ABTB2: variants seen among roughly 807,000 people sequenced by gnomAD.
ABTB2 encodes the protein ankyrin repeat and BTB/POZ domain-containing protein 2.
ABTB2 carries 56 observed loss-of-function variants against 104.1 expected under a neutral mutation model. That is an observed-to-expected ratio of 0.54 (90% confidence interval 0.43 to 0.67). The LOEUF (loss-of-function observed/expected upper bound fraction) is 0.67. ABTB2 is among the 30% of genes least tolerant of loss of function. The pLI is 0.00. For synonymous variants in ABTB2, 606 were observed against 608.2 expected, an observed-to-expected ratio of 1.00 and a Z score of 0.05; for missense variants, 1,279 against 1,407.7, an observed-to-expected ratio of 0.91 and a Z score of 1.46.
chr11:34,327,245 C>T (rs1315217010), intron 1 of ABTB2, among the ~76,000 whole-genome samples: 1 of 152,160 alleles, frequency 6.6e-6, no homozygotes, highest in Non-Finnish European at 1.5e-5. Flanking sequence ...CAAAAGAAAG[C>T]TGGAGTGGCT....
rs1269195224 is a variant in ABTB2, at chr11:34,170,921, G to A, written c.1548C>T (p.Asn516=). 1 of 1,614,132 alleles carries A rather than the reference G, an allele frequency of 6.2e-7. No homozygotes were observed. Among genetic ancestry groups the A allele is most frequent in the Admixed American group, 1.7e-5 (1 of 60,012 alleles). ...CAGGACGTACCTGGTCATCCATGGT[G>A]TTAACCCCATCCGGACCCAAGGCCT... The part of the protein sequence containing the change: ...AIEALGPDGV[N]TMDDQGMTPL... Residue 516 remains asparagine, a synonymous_variant, in exon 5 of 17, where the codon AAC becomes AAT. Coordinates refer to ENST00000435224, the MANE Select transcript of ABTB2 (RefSeq NM_145804.3).
chr11:34,319,422 A>G (rs1854975757), intron 1 of ABTB2, among the ~76,000 whole-genome samples: 1 of 152,232 alleles, frequency 6.6e-6, no homozygotes, highest in Non-Finnish European at 1.5e-5. Context: ...GCAGGGGAGG[A>G]GAAACCTAGG....
intron 1 of ABTB2, among the ~76,000 whole-genome samples, chr11:34,340,456 T>A (rs1327788271): frequency 6.6e-6 from 1 of 152,180 alleles, no homozygotes; most frequent in Non-Finnish European, 1.5e-5. Context: ...ATTGCAAAGT[T>A]AAATAATTAG....
chr11:34,357,173 G>T lies in ABTB2; in HGVS notation c.411C>A (p.Ile137=), dbSNP rs1359850606. Residue 137 remains isoleucine (I), a synonymous_variant, in exon 1 of 17, where the codon ATC becomes ATA. Coordinates refer to ENST00000435224, the MANE Select transcript of ABTB2 (RefSeq NM_145804.3). ...RLAGLLRRAL[I]RVAREAQRLS... ...GGCGCTGCGCCTCGCGGGCCACGCG[G>T]ATCAGTGCCCTGCGGAGCAGCCCGG... The T allele has an allele frequency of 6.6e-7, 1 of 1,507,448 alleles. No homozygotes were observed. Among genetic ancestry groups the T allele is most frequent in the East Asian group, 2.5e-5 (1 of 39,732 alleles). The allele number at this position is 1,507,448 out of a possible 1,614,324, so 93.4% of individuals were successfully genotyped here. A position where few individuals can be genotyped will look rare whatever the true frequency, so the allele number is the denominator to read the frequency against.
chr11:34,352,095 C>G (rs1275670091), intron 1 of ABTB2, among the ~76,000 whole-genome samples: 1 of 152,196 alleles, frequency 6.6e-6, no homozygotes, highest in Admixed American at 6.5e-5. Flanking sequence ...TCAACCCTTG[C>G]TGCTTCAGTT....
chr11:34,201,471 C>T (rs1015379039), intron 2 of ABTB2, among the ~76,000 whole-genome samples: 9 of 152,038 alleles, frequency 5.9e-5, no homozygotes, highest in African/African-American at 1.7e-4. Flanking sequence ...AAAATTTTTG[C>T]GGGTAGAGAG....
At chr11:34,284,165 C>T (rs576212890) in intron 1 of ABTB2, among the ~76,000 whole-genome samples, 2 of 152,356 alleles carry the variant, frequency 1.3e-5, no homozygotes, top group South Asian at 4.1e-4. Flanking sequence ...AGGCCCAATC[C>T]ATGTCTCAGA....
At chr11:34,335,592 T>A in intron 1 of ABTB2, 1 of 1,502,576 alleles carries the variant, frequency 6.7e-7, no homozygotes, top group Non-Finnish European at 9.2e-7. Flanking sequence ...AAAGTTAAGT[T>A]TCTGCACTGT....
Position 34,197,499 on chromosome 11 carries a change from C to T in ABTB2, c.1070G>A (p.Arg357His), listed in dbSNP as rs140971908. 1.6e-4 allele frequency: 247 copies of T among 1,579,158 alleles called. No individual in the cohort carries two copies. In the African/African-American group the frequency reaches 2.5e-3, roughly 16 times the overall value. The change falls in exon 3 of 17, where the codon CGT (arginine) becomes CAT (histidine). Residue 357 changes from arginine to histidine, a missense_variant. Coordinates refer to ENST00000435224, the MANE Select transcript of ABTB2 (RefSeq NM_145804.3). ...VSRAMHHMQG[R>H]HPLCPGASPA... ...GCTGGCACCCGGGCACAGGGGGTGACGCCCCTGCATGTGGTGCATGGCACG... is the reference window on the plus strand; with the variant it reads ...GCTGGCACCCGGGCACAGGGGGTGATGCCCCTGCATGTGGTGCATGGCACG...
Position 34,357,221 on chromosome 11 carries a change from G to C in ABTB2, c.363C>G (p.Ser121=), listed in dbSNP as rs1174309781. ...CGGCCAGGCGCCTCACCGCCTCGGC[G>C]GAGAACTGGGGCAGCCGCCGGCCGC... ...GAGGRRLPQF[S]AEAVRRLAGL... Residue 121 remains serine, a synonymous_variant, in exon 1 of 17, where the codon TCC becomes TCG. Coordinates refer to ENST00000435224, the MANE Select transcript of ABTB2 (RefSeq NM_145804.3). 6.6e-6 allele frequency: 10 copies of C among 1,509,828 alleles called. No individual in the cohort carries two copies. The highest frequency in any genetic ancestry group is 8.8e-6 in the Non-Finnish European group (10 of 1,135,858). The allele number at this position is 1,509,828 out of a possible 1,614,324, so 93.5% of individuals were successfully genotyped here.
At chr11:34,211,986 T>C (rs1853486457) in intron 1 of ABTB2, among the ~76,000 whole-genome samples, 1 of 151,398 alleles carries the variant, frequency 6.6e-6, no homozygotes, top group African/African-American at 2.4e-5. Flanking sequence ...ACCATGATAC[T>C]GTGAGGCCCA....
At chr11:34,302,277 C>A (rs1854716233) in intron 1 of ABTB2, among the ~76,000 whole-genome samples, 1 of 152,206 alleles carries the variant, frequency 6.6e-6, no homozygotes, top group Non-Finnish European at 1.5e-5. Context: ...ATGAGGGCTG[C>A]ATACATTTCA....
intron 1 of ABTB2, among the ~76,000 whole-genome samples, chr11:34,209,097 G>A (rs56126876): frequency 0.17 from 25,321 of 152,170 alleles, 2,243 homozygotes; most frequent in East Asian, 0.27. Context: ...TGTAATTCCA[G>A]CACTTTGGGA....
At chr11:34,289,047 C>T (rs921411714) in intron 1 of ABTB2, among the ~76,000 whole-genome samples, 20 of 152,364 alleles carry the variant, frequency 1.3e-4, no homozygotes, top group African/African-American at 4.6e-4. Flanking sequence ...AAAACTGCCT[C>T]TGCTCTTGAA....
intron 1 of ABTB2, among the ~76,000 whole-genome samples, chr11:34,355,892 T>C (rs1855459903): frequency 6.6e-6 from 1 of 152,156 alleles, no homozygotes; most frequent in East Asian, 1.9e-4. Context: ...AATGGTTCCT[T>C]TCCCAGACTT....
intron 3 of ABTB2, among the ~76,000 whole-genome samples, chr11:34,187,008 C>T (rs1477677679): frequency 2.0e-5 from 3 of 152,246 alleles, no homozygotes; most frequent in African/African-American, 7.2e-5. Flanking sequence ...ATACAACCGA[C>T]CTCCATTCCT....
At chr11:34,246,152 A>G (rs1035315621) in intron 1 of ABTB2, among the ~76,000 whole-genome samples, 4 of 152,166 alleles carry the variant, frequency 2.6e-5, no homozygotes, top group African/African-American at 9.7e-5. Flanking sequence ...ATTCTATTCA[A>G]AGGGAGACTC....
chr11:34,161,299 C>T (rs1852718166), intron 10 of ABTB2, among the ~76,000 whole-genome samples: 1 of 151,406 alleles, frequency 6.6e-6, no homozygotes, highest in African/African-American at 2.4e-5. Context: ...GTCTTGCTGG[C>T]AGGTCAGAGT....
In ABTB2 at chr11:34,176,110, T is replaced by G. The variant is rs993705421; in HGVS notation, c.1245-2803A>C. On this transcript the variant is annotated intron_variant, in intron 3 of 16. Transcript: ENST00000435224. Reference sequence around the variant, plus strand: ...GCCTGCCCAATATGGTGAAACCCCGTCTCTACTAAAAATACAAAAGTTAGC... The same window carrying G: ...GCCTGCCCAATATGGTGAAACCCCGGCTCTACTAAAAATACAAAAGTTAGC... 3.3e-5 allele frequency among the ~76,000 whole-genome samples: 5 copies of G among 151,820 alleles called. No individual in the cohort carries two copies. In the South Asian group the frequency reaches 1.0e-3, roughly 32 times the overall value.
Sources: allele counts gnomAD v4.1 joint callset (sites outside exome capture counted in the v4.1 genomes callset), GRCh38; gene constraint gnomAD v4.1.1; transcripts MANE v1.5; gene names NCBI Gene and HGNC (gene_info 2026-07-23, HGNC 2026-07-21).